The following CDKAL1 variants were observed in gnomAD, a reference collection of about 807,000 sequenced individuals.
CDKAL1 encodes the protein CDKAL1 threonylcarbamoyladenosine tRNA methylthiotransferase.
Under a neutral mutation model 68.2 loss-of-function variants are expected in CDKAL1, and 32 were observed. That is an observed-to-expected ratio of 0.47 (90% confidence interval 0.35 to 0.63). The LOEUF (loss-of-function observed/expected upper bound fraction) is 0.63. Ranked by LOEUF, CDKAL1 falls within the 30% of genes least tolerant of loss-of-function variation. CDKAL1 has a pLI of 0.00. For synonymous variants in CDKAL1, 234 were observed against 244.3 expected, an observed-to-expected ratio of 0.96 and a Z score of 0.39; for missense variants, 606 against 696.7, an observed-to-expected ratio of 0.87 and a Z score of 1.47.
chr6:20,820,584 G>C (rs901623143), intron 8 of CDKAL1, among the ~76,000 whole-genome samples: 1 of 152,116 alleles, frequency 6.6e-6, no homozygotes, highest in Non-Finnish European at 1.5e-5. Flanking sequence ...TCTATTTCCA[G>C]TTCCATGAGG....
At chr6:20,711,026 T>C (rs781206368) in intron 5 of CDKAL1, among the ~76,000 whole-genome samples, 1 of 152,188 alleles carries the variant, frequency 6.6e-6, no homozygotes, top group Non-Finnish European at 1.5e-5. Context: ...TTGTAACCAC[T>C]GCTTTCCTGG....
chr6:20,663,071 C>G (rs1769361735), intron 5 of CDKAL1, among the ~76,000 whole-genome samples: 1 of 151,986 alleles, frequency 6.6e-6, no homozygotes, highest in Non-Finnish European at 1.5e-5. Flanking sequence ...CTTTCCCCCA[C>G]AAAAAAGATG....
chr6:20,801,276 A>T (rs1423370555), intron 8 of CDKAL1, among the ~76,000 whole-genome samples: 1 of 151,868 alleles, frequency 6.6e-6, no homozygotes, highest in Non-Finnish European at 1.5e-5. Context: ...ATCCTCATCT[A>T]CCACCTTAGG....
At chr6:20,736,389 G>A (rs189227201) in intron 5 of CDKAL1, among the ~76,000 whole-genome samples, 30 of 152,234 alleles carry the variant, frequency 2.0e-4, no homozygotes, top group African/African-American at 7.0e-4. Context: ...TAAAACTTTG[G>A]CATTATCTTT....
intron 9 of CDKAL1, among the ~76,000 whole-genome samples, chr6:20,884,413 G>T (rs1760970608): frequency 6.6e-6 from 1 of 152,184 alleles, no homozygotes. Flanking sequence ...ATTGGTGAAA[G>T]ACTAAATAAA....
intron 13 of CDKAL1, among the ~76,000 whole-genome samples, chr6:21,112,095 C>T (rs560326193): frequency 3.2e-4 from 49 of 151,692 alleles, no homozygotes; most frequent in African/African-American, 1.1e-3. Flanking sequence ...TGATAAATCA[C>T]GGGTAAGTTA....
intron 4 of CDKAL1, among the ~76,000 whole-genome samples, chr6:20,576,122 A>C (rs1339117292): frequency 6.6e-6 from 1 of 152,218 alleles, no homozygotes; most frequent in Non-Finnish European, 1.5e-5. Context: ...GAACATTCCA[A>C]AACTCTGATT....
intron 10 of CDKAL1, among the ~76,000 whole-genome samples, chr6:20,963,483 G>T (rs1177432397): frequency 6.6e-6 from 1 of 152,144 alleles, no homozygotes; most frequent in Non-Finnish European, 1.5e-5. Flanking sequence ...CGAGCTTGTT[G>T]CTTCCTACTA....
chr6:21,228,020 CT>C (rs1312447253), intron 15 of CDKAL1, among the ~76,000 whole-genome samples: 1 of 152,184 alleles, frequency 6.6e-6, no homozygotes, highest in Non-Finnish European at 1.5e-5. Context: ...TCACCTAGTC[CT>C]TCCCCAGGTC....
intron 11 of CDKAL1, among the ~76,000 whole-genome samples, chr6:21,011,188 C>T (rs1245651628): frequency 4.0e-5 from 6 of 149,800 alleles, no homozygotes; most frequent in Non-Finnish European, 8.9e-5. Flanking sequence ...AGCATCCTGG[C>T]TAACATGGTG....
intron 9 of CDKAL1, among the ~76,000 whole-genome samples, chr6:20,935,520 C>T (rs1226514992): frequency 6.6e-6 from 1 of 151,544 alleles, no homozygotes; most frequent in Non-Finnish European, 1.5e-5. Context: ...CCTCTGCCTT[C>T]TGGGTTCAAG....
chr6:21,091,359 A>G (rs1772996416), intron 12 of CDKAL1, among the ~76,000 whole-genome samples: 1 of 152,224 alleles, frequency 6.6e-6, no homozygotes, highest in African/African-American at 2.4e-5. Flanking sequence ...CCAAAACCCA[A>G]GTTATGAACA....
rs2223683 is a variant in CDKAL1 at position 20,694,294 on chromosome 6, C to T, written c.371+44917C>T. On this transcript the variant is annotated intron_variant, in intron 5 of 15. Coordinates refer to ENST00000274695, the MANE Select transcript of CDKAL1 (RefSeq NM_017774.3). ...CTGGGCTCAAGCAGTCCTCCTGCCT[C>T]GGCCTCCCAAAGTGCTGAGATTACA... is the stretch of plus-strand genomic sequence containing the variant. 9.3e-3 allele frequency among the ~76,000 whole-genome samples: 1,413 copies of T among 152,248 alleles called. 27 individuals are homozygous for T. Among genetic ancestry groups the T allele is most frequent in the African/African-American group, 0.032 (1,325 of 41,548 alleles).
At position 20,961,851 on chromosome 6, in the gene CDKAL1, A is replaced by C. The variant is rs1194743692; in HGVS notation, c.909+6266A>C. On this transcript the variant is annotated intron_variant, in intron 10 of 15. Coordinates refer to ENST00000274695, the MANE Select transcript of CDKAL1 (RefSeq NM_017774.3). ...GATGACTAAATAATCTGTACACCAA[A>C]CCCCCAAGTCATAAGTTTACATGTA... is the stretch of plus-strand genomic sequence containing the variant. Among the ~76,000 whole-genome samples the C allele has an allele frequency of 2.6e-5, 4 of 151,966 alleles. No homozygotes were observed. In the East Asian group the frequency reaches 7.7e-4, roughly 29 times the overall value.
chr6:20,968,949 A>G (rs1424530930), intron 10 of CDKAL1, among the ~76,000 whole-genome samples: 1 of 151,930 alleles, frequency 6.6e-6, no homozygotes, highest in Non-Finnish European at 1.5e-5. Flanking sequence ...TTTCCTGTGC[A>G]CAAACCATAT....
intron 13 of CDKAL1, among the ~76,000 whole-genome samples, chr6:21,125,824 T>C (rs1311020459): frequency 6.6e-6 from 1 of 152,230 alleles, no homozygotes; most frequent in South Asian, 2.1e-4. Context: ...CTTCCTCTAC[T>C]CTCAGCTCCT....
chr6:20,723,023 T>C (rs1772460180), intron 5 of CDKAL1, among the ~76,000 whole-genome samples: 1 of 152,166 alleles, frequency 6.6e-6, no homozygotes, highest in African/African-American at 2.4e-5. Context: ...CTCATTCTTC[T>C]TGGATGCTGG....
chr6:20,623,403 T>G (rs1767284051), intron 4 of CDKAL1, among the ~76,000 whole-genome samples: 1 of 152,112 alleles, frequency 6.6e-6, no homozygotes, highest in Admixed American at 6.6e-5. Context: ...ATAACATAGT[T>G]TGTCAGCTTA....
At chr6:21,117,768 C>T (rs985251852) in intron 13 of CDKAL1, among the ~76,000 whole-genome samples, 2 of 152,178 alleles carry the variant, frequency 1.3e-5, no homozygotes, top group African/African-American at 4.8e-5. Flanking sequence ...CAAACAACAG[C>T]ACCCACAATG....
Sources: gnomAD v4.1 joint callset for allele counts (sites outside exome capture counted in the v4.1 genomes callset) on GRCh38, gnomAD v4.1.1 for gene constraint, MANE v1.5 for transcripts, NCBI Gene and HGNC (gene_info 2026-07-23, HGNC 2026-07-21) for gene names.